The following EPS15L1 variants were observed in gnomAD, a reference collection of about 807,000 sequenced individuals.
EPS15L1 encodes the protein epidermal growth factor receptor substrate 15-like 1.
A neutral mutation model predicts 117.1 loss-of-function variants in EPS15L1; 43 were observed. That is an observed-to-expected ratio of 0.37 (90% CI 0.29 to 0.47). The LOEUF (loss-of-function observed/expected upper bound fraction) is 0.47, where lower values mean the gene tolerates loss of function less well. Among genes scored for constraint, EPS15L1 ranks in the 20% least tolerant of loss-of-function variants. EPS15L1 has a pLI of 0.99. For synonymous variants in EPS15L1, 459 were observed against 470.5 expected (o/e 0.98, Z 0.32); for missense variants, 981 against 1,164.0 (o/e 0.84, Z 2.29).
chr19:16,449,350 T>C (rs1245768420), intron 1 of EPS15L1, among the ~76,000 whole-genome samples: 1 of 152,130 alleles, frequency 6.6e-6, no homozygotes, highest in African/African-American at 2.4e-5. Context: ...AGAGGAAATA[T>C]AGCAGATGGC....
intron 12 of EPS15L1, among the ~76,000 whole-genome samples, chr19:16,414,172 A>G (rs1267959588): frequency 1.3e-5 from 2 of 152,182 alleles, no homozygotes; most frequent in Admixed American, 6.5e-5. Context: ...TGGAGGGGCC[A>G]CGTGAGGGGG....
intron 16 of EPS15L1, among the ~76,000 whole-genome samples, chr19:16,400,137 G>A (rs183507317): frequency 6.8e-4 from 104 of 152,154 alleles, no homozygotes; most frequent in African/African-American, 2.4e-3. Context: ...AGGAGTTCAA[G>A]ACCAGCCTGG....
chr19:16,438,910 T>C (rs574702315), intron 4 of EPS15L1, among the ~76,000 whole-genome samples: 26 of 152,092 alleles, frequency 1.7e-4, no homozygotes, highest in Non-Finnish European at 2.8e-4. Flanking sequence ...CTCGGCCTCG[T>C]TGAATGGAAC....
chr19:16,459,156 C>G (rs1440190490), intron 1 of EPS15L1, among the ~76,000 whole-genome samples: 2 of 152,222 alleles, frequency 1.3e-5, no homozygotes, highest in Non-Finnish European at 2.9e-5. Flanking sequence ...GGAGCACTGT[C>G]ACATATGCAG....
chr19:16,417,466 C>T, intron 12 of EPS15L1, 86 bp downstream of exon 12: 1 of 1,173,776 alleles, frequency 8.5e-7, no homozygotes, highest in Non-Finnish European at 1.3e-6. Context: ...AGCAAACTTC[C>T]AGGTGAGCCT....
intron 1 of EPS15L1, among the ~76,000 whole-genome samples, chr19:16,467,411 A>G (rs988089155): frequency 6.6e-6 from 1 of 151,966 alleles, no homozygotes; most frequent in Non-Finnish European, 1.5e-5. Context: ...CAGCCTCCCA[A>G]AGTGCTAGGA....
At chr19:16,367,548 G>A (rs1599528687) in intron 22 of EPS15L1, among the ~76,000 whole-genome samples, 2 of 133,062 alleles carry the variant, frequency 1.5e-5, no homozygotes, top group Non-Finnish European at 1.6e-5. Context: ...GCTCCACCCT[G>A]ATAGAAATTT....
In EPS15L1 at chr19:16,392,862, T is replaced by A. The variant is rs560244295; in HGVS notation, c.1967-422A>T. Among the ~76,000 whole-genome samples the A allele has an allele frequency of 5.3e-5, 8 of 152,004 alleles. No individual in the cohort carries two copies. In the South Asian group the frequency reaches 6.2e-4, roughly 12 times the overall value. ...TGAGGCCAGGAGTTCAAGACCAGCA[T>A]GGGCAACACAGAGAAAAATAAAATA... is the stretch of plus-strand genomic sequence containing the variant. On this transcript the variant is annotated intron_variant, in intron 18 of 23. Coordinates refer to ENST00000455140, the MANE Select transcript of EPS15L1 (RefSeq NM_001258374.3).
chr19:16,355,316 G>C lies in EPS15L1; in HGVS notation c.*389C>G, dbSNP rs1011062840. The C allele has an allele frequency of 3.1e-5, 7 of 225,912 alleles. No individual in the cohort carries two copies. The highest frequency in any genetic ancestry group is 1.6e-4 in the African/African-American group (7 of 44,456). The allele number at this position is 225,912 out of a possible 1,614,324, so 14.0% of individuals were successfully genotyped here. A position where few individuals can be genotyped will look rare whatever the true frequency, so the allele number is the denominator to read the frequency against. ...ATACAACGAGTGCATACACCACTGG[G>C]GGAGTGTCTGACTGATGCGTGGGAG... is the stretch of plus-strand genomic sequence containing the variant. On this transcript the variant is annotated 3_prime_UTR_variant, in exon 24 of 24. Transcript: ENST00000455140.
intron 13 of EPS15L1, 29 bp downstream of exon 13, chr19:16,413,744 G>C (rs761056945): frequency 1.5e-5 from 24 of 1,588,868 alleles, no homozygotes; most frequent in Non-Finnish European, 1.8e-5. Context: ...GCACAAAGTA[G>C]ATGTAACCAA....
chr19:16,408,110 G>C (rs2092674007), intron 13 of EPS15L1, among the ~76,000 whole-genome samples: 1 of 152,100 alleles, frequency 6.6e-6, no homozygotes, highest in South Asian at 2.1e-4. Context: ...CTGGACACCA[G>C]GTAACAACAG....
chr19:16,442,427 T>C (rs1223119205), intron 1 of EPS15L1, among the ~76,000 whole-genome samples: 4 of 152,200 alleles, frequency 2.6e-5, no homozygotes, highest in Non-Finnish European at 5.9e-5. Context: ...AAAGTAAGCT[T>C]AATGTTCTTT....
rs1462996698 is a variant in EPS15L1, at chr19:16,381,891, G to A, written c.2247+3238C>T. On this transcript the variant is annotated intron_variant, in intron 21 of 23. Coordinates refer to ENST00000455140, the MANE Select transcript of EPS15L1 (RefSeq NM_001258374.3). This position sits in a 1 kb window ranked among gnomAD's most constrained non-coding sequence, Gnocchi z 4.2. ...GGTCTAGATGGGAAGTGGTGTGACC[G>A]GCTGGGCCTTGTCCTCCCTGGGCAT... 6.6e-6 allele frequency among the ~76,000 whole-genome samples: 1 copy of A among 152,222 alleles called. No individual in the cohort carries two copies. Among genetic ancestry groups the A allele is most frequent in the Non-Finnish European group, 1.5e-5 (1 of 68,032 alleles).
chr19:16,443,464 T>C (rs2093052103), intron 1 of EPS15L1: 1 of 152,234 alleles, frequency 6.6e-6, no homozygotes, highest in Non-Finnish European at 1.5e-5. Context: ...ATCCCAGTAC[T>C]TTGTGAGGCC....
chr19:16,419,325 G>A (rs2092792130), intron 10 of EPS15L1, among the ~76,000 whole-genome samples: 1 of 152,178 alleles, frequency 6.6e-6, no homozygotes, highest in Non-Finnish European at 1.5e-5. Flanking sequence ...CGGGCATGGT[G>A]GCGCGCGCCT....
chr19:16,451,443 ATAAGGCATTGTGGT>A (rs1346925411), intron 1 of EPS15L1, among the ~76,000 whole-genome samples: 1 of 152,216 alleles, frequency 6.6e-6, no homozygotes, highest in African/African-American at 2.4e-5. Context: ...GTAAGGTGTG[ATAAGGCATTGTGGT>A]TATGTAAAGG....
Position 16,371,141 on chromosome 19 carries a change from A to G in EPS15L1, c.2380+5981T>C, listed in dbSNP as rs1034125221. Among the ~76,000 whole-genome samples, 2 of 152,214 alleles carry G rather than the reference A, an allele frequency of 1.3e-5. No homozygotes were observed. Among genetic ancestry groups the G allele is most frequent in the South Asian group, 2.1e-4 (1 of 4,832 alleles). ...TTAAAGTGGATCTTGTGCAATCAAC[A>G]AAAGGTTTTGGGACCCACATGGGCA... is the stretch of plus-strand genomic sequence containing the variant. On this transcript the variant is annotated intron_variant, in intron 22 of 23. Transcript: ENST00000455140. The surrounding 1 kb of genome is among the most constrained non-coding windows in gnomAD (Gnocchi z 4.7).
Position 16,405,438 on chromosome 19 carries a change from C to T in EPS15L1, c.1267-689G>A, listed in dbSNP as rs543004729. 1.3e-5 allele frequency among the ~76,000 whole-genome samples: 2 copies of T among 152,290 alleles called. No homozygotes were observed. Among genetic ancestry groups the T allele is most frequent in the East Asian group, 1.9e-4 (1 of 5,188 alleles). On this transcript the variant is annotated intron_variant, in intron 13 of 23. Transcript: ENST00000455140. This position sits in a 1 kb window ranked among gnomAD's most constrained non-coding sequence, Gnocchi z 4.0. ...CTGTTTCTGAAGCTCTCTCTGACCCCGTGGGATGGATCCAGATGGTCAGCC... is the reference window on the plus strand; with the variant it reads ...CTGTTTCTGAAGCTCTCTCTGACCCTGTGGGATGGATCCAGATGGTCAGCC...
intron 21 of EPS15L1, among the ~76,000 whole-genome samples, chr19:16,379,173 C>T (rs557848586): frequency 7.9e-5 from 12 of 152,164 alleles, no homozygotes; most frequent in South Asian, 6.2e-4. Flanking sequence ...GTCGTGGTGG[C>T]GGGCGCCTGT....
Sources: gnomAD v4.1 joint callset for allele counts (sites outside exome capture counted in the v4.1 genomes callset) on GRCh38, gnomAD v4.1.1 for gene constraint, Gnocchi (gnomAD v3.1) non-coding constraint, MANE v1.5 for transcripts, NCBI Gene and HGNC (gene_info 2026-07-23, HGNC 2026-07-21) for gene names.